Variants in SLC5A11 observed in about 807,000 individuals in gnomAD.
The protein encoded by SLC5A11 is solute carrier family 5 member 11.
SLC5A11 carries 48 observed loss-of-function variants against 69.8 expected under a neutral mutation model. That is an observed-to-expected ratio of 0.69 (90% CI 0.55 to 0.87). SLC5A11 has a LOEUF of 0.87. Ranked by LOEUF, SLC5A11 falls within the 40% of genes least tolerant of loss-of-function variation. The pLI is 0.00. For synonymous variants in SLC5A11, 319 were observed against 342.4 expected (o/e 0.93, Z 0.75); for missense variants, 784 against 866.1 (o/e 0.91, Z 1.19).
chr16:24,909,086 C>A (rs1392663225), exon 14 of SLC5A11: 1 of 1,613,986 alleles, frequency 6.2e-7, no homozygotes, highest in African/African-American at 1.3e-5. Flanking sequence ...GAGCCACCCT[C>A]CAAGGAGATG....
chr16:24,908,781 T>C, intron 13 of SLC5A11, 100 bp from the exon 15 acceptor site: 2 of 1,086,408 alleles, frequency 1.8e-6, no homozygotes, highest in Non-Finnish European at 2.6e-6. Flanking sequence ...GTGCTTGCAG[T>C]GACCACCACA....
In SLC5A11 at chr16:24,877,356, G is replaced by A. The variant is rs9932619; in HGVS notation, c.576G>A (p.Thr192=). ...TACTGGCCATCACTGCTGTATACACGGTTGCTGGTAAGACTGAACAAAGGG... is the reference window on the plus strand; with the variant it reads ...TACTGGCCATCACTGCTGTATACACAGTTGCTGGTAAGACTGAACAAAGGG... Residue 192 remains threonine, a synonymous_variant, in exon 7 of 16, where the codon ACG becomes ACA. Transcript: ENST00000347898. 9,018 of 1,613,028 alleles carry A rather than the reference G, an allele frequency of 5.6e-3. 406 individuals are homozygous for A. In the African/African-American group the frequency reaches 0.1, roughly 18 times the overall value.
intron 1 of SLC5A11, among the ~76,000 whole-genome samples, chr16:24,858,091 A>C (rs1205280068): frequency 3.3e-5 from 5 of 152,236 alleles, no homozygotes; most frequent in African/African-American, 1.2e-4. Flanking sequence ...AATAGTGCCC[A>C]CTTTGCAGGT....
At chr16:24,902,146 T>G (rs904308018) in intron 10 of SLC5A11, among the ~76,000 whole-genome samples, 1 of 152,040 alleles carries the variant, frequency 6.6e-6, no homozygotes, top group African/African-American at 2.4e-5. Context: ...TTTTTGACTG[T>G]GCTAAATGCC....
At chr16:24,878,497 G>A (rs1306600367) in intron 7 of SLC5A11, among the ~76,000 whole-genome samples, 2 of 152,094 alleles carry the variant, frequency 1.3e-5, no homozygotes, top group Non-Finnish European at 2.9e-5. Context: ...ATATATGTGT[G>A]TGTCTGTTTG....
At chr16:24,872,297 C>A in intron 5 of SLC5A11, 78 bp downstream of exon 6, 1 of 1,508,834 alleles carries the variant, frequency 6.6e-7, no homozygotes, top group Non-Finnish European at 9.2e-7. Flanking sequence ...CTCCCTCATC[C>A]CGCCATCCCT....
intron 7 of SLC5A11, 56 bp downstream of exon 8, chr16:24,877,419 C>A: frequency 1.5e-6 from 2 of 1,314,770 alleles, no homozygotes; most frequent in South Asian, 1.2e-5. Flanking sequence ...GGCTGTGGGC[C>A]ACTCTACCTT....
In SLC5A11 at chr16:24,911,499, G is replaced by A. The variant is rs780843300; in HGVS notation, c.1994G>A (p.Ser665Asn). The A allele has an allele frequency of 4.3e-6, 7 of 1,614,130 alleles. No individual in the cohort carries two copies. In the East Asian group the frequency reaches 1.3e-4, roughly 31 times the overall value. Residue 665 changes from serine to asparagine, a missense_variant, in exon 16 of 16, where the codon AGC becomes AAC. By Grantham distance (46) the Ser-to-Asn change is conservative. Transcript: ENST00000347898. ...GACGTCAACCTCATTTTCTGCGTGA[G>A]CTGCGCCATCTTTATCTGGGGCTAT...
In SLC5A11 at chr16:24,901,931, T is replaced by C. The variant is rs8054789; in HGVS notation, c.1006+3822T>C. Among the ~76,000 whole-genome samples the C allele has an allele frequency of 4.5e-3, 628 of 138,038 alleles. 9 individuals carry two copies. The highest frequency in any genetic ancestry group is 0.017 in the African/African-American group (599 of 34,594). 90.6% of individuals were successfully genotyped at this position (138,038 alleles called of 152,430 possible). Reference sequence around the variant, plus strand: ...AAGATCCCATCTCTGGAAAAAAAAATACACACACACACACACACACACACA... The same window carrying C: ...AAGATCCCATCTCTGGAAAAAAAAACACACACACACACACACACACACACA... On this transcript the variant is annotated intron_variant, in intron 10 of 15. Transcript: ENST00000347898.
chr16:24,864,983 CAG>C (rs1180617692), intron 3 of SLC5A11, among the ~76,000 whole-genome samples: 11 of 151,772 alleles, frequency 7.2e-5, no homozygotes, highest in Admixed American at 5.9e-4. Flanking sequence ...CGAAGAGAAA[CAG>C]AGTCTCAGAG....
chr16:24,849,591 A>ACATATATAT (rs60683631), intron 1 of SLC5A11, among the ~76,000 whole-genome samples: 12 of 57,524 alleles, frequency 2.1e-4, no homozygotes, highest in African/African-American at 6.7e-4. Context: ...AAAAAAAAAA[A>ACATATATAT]AAATATATAT....
intron 10 of SLC5A11, among the ~76,000 whole-genome samples, chr16:24,901,265 A>G (rs1409832160): frequency 6.6e-6 from 1 of 152,178 alleles, no homozygotes; most frequent in Admixed American, 6.6e-5. Context: ...ACAACCTTAT[A>G]TGGTAGGTAC....
At chr16:24,899,002 A>G (rs1230403196) in intron 10 of SLC5A11, among the ~76,000 whole-genome samples, 1 of 151,326 alleles carries the variant, frequency 6.6e-6, no homozygotes, top group Non-Finnish European at 1.5e-5. Context: ...AGTTTTTGTA[A>G]AGACAGGGTC....
At chr16:24,867,206 T>TATAA (rs1254957907) in intron 3 of SLC5A11, among the ~76,000 whole-genome samples, 1 of 152,136 alleles carries the variant, frequency 6.6e-6, no homozygotes, top group Non-Finnish European at 1.5e-5. Flanking sequence ...GGAATGAAAT[T>TATAA]ATAAATAAAT....
Position 24,890,852 on chromosome 16 carries a change from C to T in SLC5A11, c.665-17C>T. The T allele has an allele frequency of 6.2e-7, 1 of 1,613,102 alleles. No individual in the cohort carries two copies. The highest frequency in any genetic ancestry group is 8.5e-7 in the Non-Finnish European group (1 of 1,179,178). On this transcript the variant is annotated splice_polypyrimidine_tract_variant and intron_variant, in intron 8 of 15. Coordinates refer to ENST00000347898, the Ensembl canonical transcript of SLC5A11. ...CCAATCTGAGTTCCCGGAAAATAGG[C>T]TTCCTCTGAATTCTAGGTTTCGCCG...
At chr16:24,907,892 GAGAC>G in intron 12 of SLC5A11, 67 bp from the exon 14 acceptor site, 3 of 1,573,238 alleles carry the variant, frequency 1.9e-6, no homozygotes, top group Non-Finnish European at 2.6e-6. Flanking sequence ...TCTATTAAAA[GAGAC>G]AGAGAGAGGG....
intron 1 of SLC5A11, among the ~76,000 whole-genome samples, chr16:24,849,582 A>AT (rs2059178137): frequency 2.8e-5 from 3 of 108,756 alleles, no homozygotes; most frequent in Non-Finnish European, 3.8e-5. Context: ...CAAAAAAAAA[A>AT]AAAAAAAAAA....
chr16:24,858,440 A>ATGAG (rs2059624406), intron 1 of SLC5A11, among the ~76,000 whole-genome samples, 180 bp from the exon 3 acceptor site: 2 of 152,146 alleles, frequency 1.3e-5, no homozygotes, highest in Non-Finnish European at 1.5e-5. Context: ...GAATGAATGA[A>ATGAG]TGAGTGAGTG....
intron 2 of SLC5A11, among the ~76,000 whole-genome samples, chr16:24,860,126 A>T (rs2059700875): frequency 6.6e-6 from 1 of 152,176 alleles, no homozygotes; most frequent in Admixed American, 6.5e-5. Flanking sequence ...TCACTATTAA[A>T]AATACAAAAA....
Sources: gnomAD v4.1 joint callset for allele counts (sites outside exome capture counted in the v4.1 genomes callset) on GRCh38, gnomAD v4.1.1 for gene constraint, MANE v1.5 for transcripts, NCBI Gene and HGNC (gene_info 2026-07-23, HGNC 2026-07-21) for gene names.